Variants in MYO5B observed in about 807,000 individuals in gnomAD.
MYO5B encodes myosin VB, also known as unconventional myosin-Vb.
MYO5B carries 143 observed loss-of-function variants against 229.3 expected under a neutral mutation model. The ratio of observed to expected loss-of-function variants is 0.62; its 90% confidence interval spans 0.54 to 0.72. MYO5B has a LOEUF of 0.72. MYO5B is among the 30% of genes least tolerant of loss of function. The pLI is 0.00. For synonymous variants in MYO5B, 918 were observed against 885.2 expected (o/e 1.04, Z -0.66); for missense variants, 2,321 against 2,331.0 (o/e 1.00, Z 0.09).
At position 49,954,350 on chromosome 18, in the gene MYO5B, G is replaced by T; in HGVS notation, c.1631C>A (p.Ser544Tyr). The T allele has an allele frequency of 6.2e-7, 1 of 1,614,096 alleles. No individual in the cohort carries two copies. The highest frequency in any genetic ancestry group is 1.7e-5 in the Admixed American group (1 of 60,020). The change falls in exon 13 of 40, where the codon TCC becomes TAC. Residue 544 changes from serine (S) to tyrosine (Y), a missense_variant. Transcript: ENST00000285039. ...SSQHFQKPRM[S>Y]NTAFIIVHFA... Reference sequence around the variant, plus strand: ...GTGGACGATGATGAAGGCCGTGTTGGACATGCGGGGCTTCTGGAAGTGCTG... The same window carrying T: ...GTGGACGATGATGAAGGCCGTGTTGTACATGCGGGGCTTCTGGAAGTGCTG...
At chr18:50,070,091 G>A (rs1402242739) in intron 1 of MYO5B, among the ~76,000 whole-genome samples, 3 of 147,052 alleles carry the variant, frequency 2.0e-5, no homozygotes, top group Admixed American at 6.9e-5. Flanking sequence ...GCGTGATCTC[G>A]GTTCACTGCA....
chr18:50,194,638 G>A (rs988750231), intron 1 of MYO5B, 129 bp downstream of exon 1: 24 of 623,570 alleles, frequency 3.8e-5, no homozygotes, highest in South Asian at 5.7e-5. Context: ...TGACGAGGAG[G>A]ACACCGCGGA....
intron 1 of MYO5B, among the ~76,000 whole-genome samples, chr18:50,107,974 T>C (rs978344738): frequency 1.3e-5 from 2 of 151,624 alleles, no homozygotes; most frequent in African/African-American, 4.9e-5. Flanking sequence ...AGTGGCGTGA[T>C]CTTGGCTCAC....
intron 4 of MYO5B, among the ~76,000 whole-genome samples, chr18:50,023,618 T>C (rs193221146): frequency 1.5e-4 from 23 of 152,292 alleles, no homozygotes; most frequent in Admixed American, 1.4e-3. Context: ...TCAATCAGAA[T>C]AGTAAACTAT....
intron 35 of MYO5B, 90 bp downstream of exon 35, chr18:49,841,274 AC>A (rs1167714062): frequency 1.3e-5 from 16 of 1,215,396 alleles, no homozygotes; most frequent in Non-Finnish European, 2.4e-6. Context: ...TGCTCCAAAG[AC>A]CCCACTGACC....
intron 1 of MYO5B, among the ~76,000 whole-genome samples, chr18:50,108,036 G>A (rs887317845): frequency 2.6e-5 from 4 of 152,184 alleles, no homozygotes; most frequent in South Asian, 4.1e-4. Flanking sequence ...AGCCTCCTGA[G>A]CAGCTGGGAT....
At chr18:49,848,212 C>T (rs556805455) in intron 32 of MYO5B, among the ~76,000 whole-genome samples, 1 of 152,330 alleles carries the variant, frequency 6.6e-6, no homozygotes, top group East Asian at 1.9e-4. Context: ...ACAGCTCAGT[C>T]AGGCACCAAG....
rs1309108123 is a variant in MYO5B, at chr18:49,962,961, C to A, written c.1392G>T (p.Gln464His). The A allele has an allele frequency of 1.2e-6, 2 of 1,613,942 alleles. No homozygotes were observed. The highest frequency in any genetic ancestry group is 3.3e-5 in the Admixed American group (2 of 59,994). Residue 464 changes from glutamine to histidine, a missense_variant, in exon 11 of 40, where the codon CAG becomes CAT. This residue lies in a region of MYO5B where 2,113 missense variants were observed against 2,044.7 expected (regional missense o/e 1.03). Transcript: ENST00000285039. ...CINYANEKLQ[Q>H]QFNSHVFKLE... ...AAACCAAGCCTACCGAGTTGAACTG[C>A]TGCTGGAGCTTTTCATTTGCATAGT...
chr18:49,878,436 T>C (rs1436157141), intron 24 of MYO5B, among the ~76,000 whole-genome samples: 1 of 152,192 alleles, frequency 6.6e-6, no homozygotes, highest in Non-Finnish European at 1.5e-5. Flanking sequence ...CTTTCCTGGC[T>C]TCTATGCAAT....
Position 50,195,066 on chromosome 18 carries a change from G to C in MYO5B, c.-273C>G, listed in dbSNP as rs2033284816. 3.1e-6 allele frequency: 1 copy of C among 318,806 alleles called. No homozygotes were observed. Among genetic ancestry groups the C allele is most frequent in the Non-Finnish European group, 5.7e-6 (1 of 176,800 alleles). The allele number at this position is 318,806 out of a possible 1,614,324, so 19.7% of individuals were successfully genotyped here. A position where few individuals can be genotyped will look rare whatever the true frequency, so the allele number is the denominator to read the frequency against. On this transcript the variant is annotated 5_prime_UTR_variant, in exon 1 of 40. Coordinates refer to ENST00000285039, the MANE Select transcript of MYO5B (RefSeq NM_001080467.3). ...GCCGCGCCGCACCACTCCCCTCCCAGGTGTGGGGAGGAGGCGAGGGCCGGC... is the reference window on the plus strand; with the variant it reads ...GCCGCGCCGCACCACTCCCCTCCCACGTGTGGGGAGGAGGCGAGGGCCGGC...
intron 1 of MYO5B, among the ~76,000 whole-genome samples, chr18:50,143,843 T>C (rs17802396): frequency 0.093 from 14,218 of 152,224 alleles, 763 homozygotes; most frequent in East Asian, 0.19. Flanking sequence ...CCTTAATCCA[T>C]CTGGCAACCT....
chr18:49,894,866 A>G (rs2144130748), intron 22 of MYO5B, 75 bp downstream of exon 22: 2 of 1,258,356 alleles, frequency 1.6e-6, no homozygotes, highest in South Asian at 2.4e-5. Context: ...TTGAAGCAGC[A>G]GTGCTCTCTG....
rs920354519 is a variant in MYO5B, at chr18:50,003,882, T to C, written c.456-2471A>G. ...GGATCCAGGGGAAGCAACACACAGA[T>C]GTCAGGAGGAAATGAATCCCATCAG... On this transcript the variant is annotated intron_variant, in intron 4 of 39. Transcript: ENST00000285039. Among the ~76,000 whole-genome samples, 9 of 152,272 alleles carry C rather than the reference T, an allele frequency of 5.9e-5. No homozygotes were observed. In the East Asian group the frequency reaches 1.7e-3, roughly 29 times the overall value.
intron 1 of MYO5B, among the ~76,000 whole-genome samples, chr18:50,074,033 C>A (rs2031020707): frequency 1.3e-5 from 2 of 152,118 alleles, no homozygotes; most frequent in Non-Finnish European, 2.9e-5. Flanking sequence ...TGTATTAGTC[C>A]ATTTTCACGT....
chr18:49,924,762 AG>A (rs1229117426), intron 17 of MYO5B, among the ~76,000 whole-genome samples: 2 of 152,204 alleles, frequency 1.3e-5, no homozygotes, highest in African/African-American at 2.4e-5. Context: ...ACCACCAACC[AG>A]GCTGGTAATC....
At chr18:49,917,888 G>A (rs967484788) in intron 17 of MYO5B, among the ~76,000 whole-genome samples, 1 of 152,156 alleles carries the variant, frequency 6.6e-6, no homozygotes, top group Non-Finnish European at 1.5e-5. Context: ...ACAGGGTCAA[G>A]GAGTCACAAC....
At chr18:50,124,667 A>T (rs1422903661) in intron 1 of MYO5B, among the ~76,000 whole-genome samples, 11 of 152,214 alleles carry the variant, frequency 7.2e-5, no homozygotes, top group African/African-American at 2.7e-4. Context: ...TGGAATATGC[A>T]TAAACCTGCT....
At chr18:50,014,764 G>A (rs911687476) in intron 4 of MYO5B, among the ~76,000 whole-genome samples, 9 of 152,090 alleles carry the variant, frequency 5.9e-5, no homozygotes, top group Admixed American at 2.0e-4. Flanking sequence ...CAAACATCTC[G>A]GCCCCAAGGG....
At chr18:50,018,556 C>T (rs995650170) in intron 4 of MYO5B, among the ~76,000 whole-genome samples, 8 of 152,146 alleles carry the variant, frequency 5.3e-5, no homozygotes, top group Admixed American at 1.3e-4. Flanking sequence ...TAGCATCTTC[C>T]GGGTAGGCAC....
Sources: allele counts gnomAD v4.1 joint callset (sites outside exome capture counted in the v4.1 genomes callset), GRCh38; gene constraint gnomAD v4.1.1; regional missense constraint gnomAD v4.1.1; transcripts MANE v1.5; gene names NCBI Gene and HGNC (gene_info 2026-07-23, HGNC 2026-07-21).